The following CELF3 variants were observed in gnomAD, a reference collection of about 807,000 sequenced individuals.
The protein encoded by CELF3 is CUGBP Elav-like family member 3.
A neutral mutation model predicts 59.6 loss-of-function variants in CELF3; 26 were observed. The ratio of observed to expected loss-of-function variants is 0.44; its 90% CI spans 0.32 to 0.61. The LOEUF is 0.61. CELF3 is among the 20% of genes least tolerant of loss of function. CELF3 has a pLI of 0.06. For synonymous variants in CELF3, 245 were observed against 250.7 expected (o/e 0.98, Z 0.22); for missense variants, 387 against 627.2 (o/e 0.62, Z 4.09).
rs1319087286 is a variant in CELF3 at position 151,701,924 on chromosome 1, A to C, written c.*1535T>G. On this transcript the variant is annotated 3_prime_UTR_variant, in exon 13 of 13. Coordinates refer to ENST00000290583, the MANE Select transcript of CELF3 (RefSeq NM_007185.7). ...AGTGACAGAGTGAGACCCTGTTTCA[A>C]AGTAAATAAGTAAAATAAATAAACT... is the stretch of plus-strand genomic sequence containing the variant. Among the ~76,000 whole-genome samples the C allele has an allele frequency of 1.3e-5, 2 of 152,202 alleles. No individual in the cohort carries two copies. Among genetic ancestry groups the C allele is most frequent in the Non-Finnish European group, 2.9e-5 (2 of 68,038 alleles).
At chr1:151,706,531 TC>T in intron 9 of CELF3, 137 bp downstream of exon 9, 1 of 1,194,014 alleles carries the variant, frequency 8.4e-7, no homozygotes, top group Non-Finnish European at 1.2e-6. Flanking sequence ...TAAAGACCCC[TC>T]CCCACAGTTG....
Position 151,709,222 on chromosome 1 carries a change from T to C in CELF3, c.404A>G (p.Lys135Arg). Residue 135 changes from lysine (K) to arginine (R), a missense_variant and splice_region_variant, in exon 4 of 13, where the codon AAA becomes AGA. By Grantham distance (26) the Lys-to-Arg change is conservative (BLOSUM62 2). Coordinates refer to ENST00000290583, the MANE Select transcript of CELF3 (RefSeq NM_007185.7). This position sits in a 1 kb window ranked among gnomAD's most constrained non-coding sequence, Gnocchi z 4.9. ...GAAGGGGGAAGTGGGTGGACTACCTTTGCTGGTGCCATCTGGCCCCCGGAG... is the reference window on the plus strand; with the variant it reads ...GAAGGGGGAAGTGGGTGGACTACCTCTGCTGGTGCCATCTGGCCCCCGGAG... The part of the protein sequence containing the change: ...TVLRGPDGTS[K>R]GCAFVKFQTH... 1 of 1,613,744 alleles carries C rather than the reference T, an allele frequency of 6.2e-7. No individual in the cohort carries two copies.
Position 151,705,277 on chromosome 1 carries a change from G to A in CELF3, c.1271-109C>T. ...CCCAAGTGTCCCAAATGCCTAGAAA[G>A]CTGCCTGCCACATAGCAGCATTCCT... On this transcript the variant is annotated intron_variant, in intron 11 of 12. Coordinates refer to ENST00000290583, the MANE Select transcript of CELF3 (RefSeq NM_007185.7). The surrounding 1 kb of genome is among the most constrained non-coding windows in gnomAD (Gnocchi z 5.1). 3.2e-6 allele frequency: 4 copies of A among 1,269,498 alleles called. No homozygotes were observed. In the South Asian group the frequency reaches 6.1e-5, roughly 19 times the overall value. The allele number at this position is 1,269,498 out of a possible 1,614,324, so 78.6% of individuals were successfully genotyped here. A position where few individuals can be genotyped will look rare whatever the true frequency, so the allele number is the denominator to read the frequency against.
chr1:151,713,708 C>G (rs1673216681), intron 2 of CELF3: 1 of 153,750 alleles, frequency 6.5e-6, no homozygotes, highest in Non-Finnish European at 1.4e-5. Context: ...GTGCATGGCC[C>G]TTAACTCTGG....
chr1:151,706,762 G>C (rs944439351), intron 8 of CELF3, 28 bp from the exon 9 acceptor site: 1 of 1,512,850 alleles, frequency 6.6e-7, no homozygotes. Context: ...GACTATGAGC[G>C]TGGACCTGGC....
At chr1:151,704,671 ACT>A (rs1672358835) in intron 12 of CELF3, among the ~76,000 whole-genome samples, 1 of 151,776 alleles carries the variant, frequency 6.6e-6, no homozygotes, top group Non-Finnish European at 1.5e-5. Context: ...CCCTAATTCC[ACT>A]CTAACCCGAA....
At chr1:151,707,071 T>C (rs1314027530) in intron 8 of CELF3, 74 bp downstream of exon 8, 41 of 1,379,060 alleles carry the variant, frequency 3.0e-5, no homozygotes, top group Non-Finnish European at 3.9e-5. Flanking sequence ...GGAGGGAAGG[T>C]GTGTCCTGCC....
intron 1 of CELF3, chr1:151,715,661 T>C (rs1235107710): frequency 1.3e-6 from 2 of 1,515,078 alleles, no homozygotes; most frequent in Non-Finnish European, 1.8e-6. Context: ...TCTTGACAAC[T>C]CTTCAGCCAA....
intron 2 of CELF3, among the ~76,000 whole-genome samples, chr1:151,713,236 C>T (rs1274805570): frequency 6.6e-6 from 1 of 152,152 alleles, no homozygotes; most frequent in Non-Finnish European, 1.5e-5. Flanking sequence ...TCTTCCTCAC[C>T]CCCACCCTGG....
At chr1:151,703,541 C>T (rs1672246925) in intron 12 of CELF3, 93 bp from the exon 13 acceptor site, 2 of 327,994 alleles carry the variant, frequency 6.1e-6, no homozygotes. Context: ...GGGTGAGTGA[C>T]AGCATCTAGG....
In CELF3 at chr1:151,707,650, TGG is replaced by T; in HGVS notation, c.631-4_631-3del. 1 of 1,604,964 alleles carries T rather than the reference TGG, an allele frequency of 6.2e-7. No individual in the cohort carries two copies. ...CAGGGCCGCCTGCTGCTGCATCAGC[TGG>T]GGGGAGGGGAGAGGAGAGTGGGGCA... On this transcript the variant is annotated splice_region_variant and splice_polypyrimidine_tract_variant and intron_variant, in intron 6 of 12. Transcript: ENST00000290583.
At position 151,701,421 on chromosome 1, in the gene CELF3, T is replaced by C. The variant is rs1158182578; in HGVS notation, c.*2038A>G. 2.0e-5 allele frequency among the ~76,000 whole-genome samples: 3 copies of C among 152,148 alleles called. No individual in the cohort carries two copies. The highest frequency in any genetic ancestry group is 4.4e-5 in the Non-Finnish European group (3 of 68,030). On this transcript the variant is annotated 3_prime_UTR_variant, in exon 13 of 13. Coordinates refer to ENST00000290583, the MANE Select transcript of CELF3 (RefSeq NM_007185.7). ...CTTAGGGCTTATGCAGTCCACCCTC[T>C]ACCTGAAGGACTCACTCCTAAGCCT...
chr1:151,703,384 G>T lies in CELF3; in HGVS notation c.*75C>A. The T allele has an allele frequency of 4.9e-6, 2 of 411,432 alleles. No homozygotes were observed. Among genetic ancestry groups the T allele is most frequent in the South Asian group, 3.5e-5 (2 of 57,380 alleles). 25.5% of individuals were successfully genotyped at this position (411,432 alleles called of 1,614,324 possible). ...CAGTCAAGGCCCAGGGCAGGTGTGCGGAGAGGGCCGGGGCCAGTCGTGGGA... is the reference window on the plus strand; with the variant it reads ...CAGTCAAGGCCCAGGGCAGGTGTGCTGAGAGGGCCGGGGCCAGTCGTGGGA... On this transcript the variant is annotated 3_prime_UTR_variant, in exon 13 of 13. Coordinates refer to ENST00000290583, the MANE Select transcript of CELF3 (RefSeq NM_007185.7).
intron 2 of CELF3, chr1:151,714,384 G>GT (rs1375910412): frequency 4.7e-6 from 3 of 634,514 alleles, no homozygotes; most frequent in African/African-American, 1.8e-5. Context: ...TAAAAGTCAT[G>GT]TTTACGCCAC....
chr1:151,716,749 G>T lies in CELF3; in HGVS notation c.-729C>A, dbSNP rs764031917. On this transcript the variant is annotated 5_prime_UTR_variant, in exon 1 of 13. Transcript: ENST00000290583. ...CGCCGCTGGGGCTGCCTGCTTTCCCGGTCACCTGGGTCCCGGAGCTCTGCT... is the reference window on the plus strand; with the variant it reads ...CGCCGCTGGGGCTGCCTGCTTTCCCTGTCACCTGGGTCCCGGAGCTCTGCT... 4 of 444,418 alleles carry T rather than the reference G, an allele frequency of 9.0e-6. No individual in the cohort carries two copies. The highest frequency in any genetic ancestry group is 4.7e-5 in the South Asian group (3 of 63,252). The allele number at this position is 444,418 out of a possible 1,614,324, so 27.5% of individuals were successfully genotyped here. A position where few individuals can be genotyped will look rare whatever the true frequency, so the allele number is the denominator to read the frequency against.
chr1:151,707,142 C>T lies in CELF3; in HGVS notation c.922+3G>A. 2 of 1,486,082 alleles carry T rather than the reference C, an allele frequency of 1.3e-6. No homozygotes were observed. Among genetic ancestry groups the T allele is most frequent in the Non-Finnish European group, 8.9e-7 (1 of 1,121,574 alleles). The allele number at this position is 1,486,082 out of a possible 1,614,324, so 92.1% of individuals were successfully genotyped here. On this transcript the variant is annotated splice_donor_region_variant and intron_variant, in intron 8 of 12. Coordinates refer to ENST00000290583, the MANE Select transcript of CELF3 (RefSeq NM_007185.7). ...GACGGAGTGGGCAGGCAGAGAGTCCCACCTGGGTAGGGGTGAACCCCGTTG... is the reference window on the plus strand; with the variant it reads ...GACGGAGTGGGCAGGCAGAGAGTCCTACCTGGGTAGGGGTGAACCCCGTTG...
At position 151,702,194 on chromosome 1, in the gene CELF3, C is replaced by G. The variant is rs1452374637; in HGVS notation, c.*1265G>C. Among the ~76,000 whole-genome samples, 1 of 152,208 alleles carries G rather than the reference C, an allele frequency of 6.6e-6. No individual in the cohort carries two copies. Among genetic ancestry groups the G allele is most frequent in the Admixed American group, 6.5e-5 (1 of 15,290 alleles). ...AGGGGAGATCTCCTTGTGCCGAACT[C>G]TGCAGGACATTCCAGAATTAAGCCC... is the stretch of plus-strand genomic sequence containing the variant. On this transcript the variant is annotated 3_prime_UTR_variant, in exon 13 of 13. Coordinates refer to ENST00000290583, the MANE Select transcript of CELF3 (RefSeq NM_007185.7).
intron 7 of CELF3, 40 bp from the exon 8 acceptor site, chr1:151,707,334 GAC>G (rs765564297): frequency 9.1e-5 from 141 of 1,557,354 alleles, no homozygotes; most frequent in Non-Finnish European, 1.1e-4. Flanking sequence ...CAGAGGAGCA[GAC>G]ACACACACAG....
chr1:151,704,545 T>C (rs12073259), intron 12 of CELF3, among the ~76,000 whole-genome samples: 3,004 of 152,138 alleles, frequency 0.02, 99 homozygotes, highest in African/African-American at 0.068. Flanking sequence ...TCACCTGAAG[T>C]CCAGGGAAAC....
Sources: gnomAD v4.1 joint callset for allele counts (sites outside exome capture counted in the v4.1 genomes callset) on GRCh38, gnomAD v4.1.1 for gene constraint, Gnocchi (gnomAD v3.1) non-coding constraint, MANE v1.5 for transcripts, NCBI Gene and HGNC (gene_info 2026-07-23, HGNC 2026-07-21) for gene names.